Variants in NSUN4 observed in about 807,000 individuals in gnomAD.
NSUN4 encodes NOP2/Sun RNA methyltransferase 4, also known as 5-cytosine rRNA methyltransferase NSUN4.
In NSUN4, 31 loss-of-function variants were observed where a neutral mutation model predicts 43.8. The ratio of observed to expected loss-of-function variants is 0.71; its 90% confidence interval spans 0.53 to 0.96. The LOEUF (loss-of-function observed/expected upper bound fraction) is 0.96. Ranked by LOEUF, NSUN4 falls within the 40% of genes least tolerant of loss-of-function variation. The pLI is 0.00. For synonymous variants in NSUN4, 167 were observed against 184.1 expected, an observed-to-expected ratio of 0.91 and a Z score of 0.75; for missense variants, 439 against 475.6, an observed-to-expected ratio of 0.92 and a Z score of 0.72.
the NSUN4 span, among the ~76,000 whole-genome samples, chr1:46,384,083 G>C: frequency 6.6e-6 from 1 of 152,164 alleles, no homozygotes; most frequent in Non-Finnish European, 1.5e-5. Context: ...GATCGGAATG[G>C]GTCAGGGTGG....
intron 4 of NSUN4, among the ~76,000 whole-genome samples, chr1:46,358,055 C>T (rs529317723): frequency 3.3e-4 from 51 of 152,262 alleles, no homozygotes; most frequent in Non-Finnish European, 6.6e-4. Flanking sequence ...GCTGGGATTA[C>T]AGGCGCCCGC....
chr1:46,377,921 T>C, the NSUN4 span, among the ~76,000 whole-genome samples: 1 of 152,130 alleles, frequency 6.6e-6, no homozygotes, highest in Admixed American at 6.5e-5. Flanking sequence ...AAAGAAGGCA[T>C]GGGTGAAAAC....
In NSUN4 at chr1:46,361,737, T is replaced by C. The variant is rs1353513180; in HGVS notation, c.1046T>C (p.Met349Thr). 6.2e-7 allele frequency: 1 copy of C among 1,614,118 alleles called. No homozygotes were observed. The highest frequency in any genetic ancestry group is 1.7e-5 in the Admixed American group (1 of 60,008). ...CTGACTCACTTCCGAAGGGTTTTCA[T>C]GGACACATTTTGTTTCTTCTCATCC... ...EDLTHFRRVF[M>T]DTFCFFSSCQ... The change falls in exon 6 of 6, where the codon ATG becomes ACG. Residue 349 changes from methionine (M) to threonine (T), a missense_variant. Met to Thr is a moderately conservative substitution (Grantham distance 81). Coordinates refer to ENST00000474844, the MANE Select transcript of NSUN4 (RefSeq NM_199044.4).
chr1:46,379,440 C>A, the NSUN4 span, among the ~76,000 whole-genome samples: 19 of 152,262 alleles, frequency 1.2e-4, no homozygotes, highest in South Asian at 3.7e-3. Context: ...CATGGTGAAA[C>A]CCCGTCTCTA....
intron 3 of NSUN4, among the ~76,000 whole-genome samples, chr1:46,351,617 G>A (rs372447936): frequency 6.6e-6 from 1 of 151,304 alleles, no homozygotes; most frequent in African/African-American, 2.4e-5. Flanking sequence ...CTTGAGGCCA[G>A]GAATTCAAGA....
the NSUN4 span, among the ~76,000 whole-genome samples, chr1:46,375,792 A>G: frequency 6.7e-6 from 1 of 149,756 alleles, no homozygotes; most frequent in Non-Finnish European, 1.5e-5. Context: ...TCTGATTTAT[A>G]TTAAAAGAAT....
chr1:46,342,008 AC>A (rs1216834906), intron 1 of NSUN4: 15 of 1,197,212 alleles, frequency 1.3e-5, no homozygotes, highest in Admixed American at 4.2e-5. Context: ...TCACTCATGT[AC>A]CCTTGGAAAC....
At chr1:46,340,992 C>T (rs1662055659) in intron 1 of NSUN4, 73 bp downstream of exon 1, 2 of 1,376,116 alleles carry the variant, frequency 1.5e-6, no homozygotes, top group African/African-American at 1.4e-5. Flanking sequence ...TTTCCCGGCC[C>T]TCTAGAACGC....
intron 3 of NSUN4, among the ~76,000 whole-genome samples, chr1:46,350,736 C>T (rs1557739871): frequency 6.6e-6 from 1 of 152,016 alleles, no homozygotes; most frequent in African/African-American, 2.4e-5. Flanking sequence ...ATAGGCACTC[C>T]AGGTATGGAG....
chr1:46,351,094 G>A (rs1030905078), intron 3 of NSUN4, among the ~76,000 whole-genome samples: 1 of 152,224 alleles, frequency 6.6e-6, no homozygotes, highest in African/African-American at 2.4e-5. Context: ...AGCCGGGTGT[G>A]GTGGCTCACA....
intron 3 of NSUN4, among the ~76,000 whole-genome samples, chr1:46,348,715 A>C (rs1662718322): frequency 1.1e-5 from 1 of 91,490 alleles, no homozygotes; most frequent in Non-Finnish European, 2.9e-5. Flanking sequence ...GTCTCAAAAA[A>C]AAAAAAAAAA....
the NSUN4 span, among the ~76,000 whole-genome samples, chr1:46,375,939 T>C: frequency 1.9e-4 from 29 of 150,440 alleles, 1 homozygote; most frequent in African/African-American, 6.1e-4. Flanking sequence ...AAACCCTGTC[T>C]CTACTAAAAA....
chr1:46,350,069 A>G (rs1056100506), intron 3 of NSUN4, among the ~76,000 whole-genome samples: 1 of 152,212 alleles, frequency 6.6e-6, no homozygotes, highest in Non-Finnish European at 1.5e-5. Context: ...TCTAGCCCTC[A>G]TATTTTATGG....
At chr1:46,356,678 G>A (rs1238793961) in intron 4 of NSUN4, among the ~76,000 whole-genome samples, 3 of 148,560 alleles carry the variant, frequency 2.0e-5, no homozygotes, top group African/African-American at 7.4e-5. Flanking sequence ...GGGAGACAGC[G>A]AGATTCCGTC....
chr1:46,341,133 C>T lies in NSUN4; in HGVS notation c.93+214C>T, dbSNP rs926680533. On this transcript the variant is annotated intron_variant, in intron 1 of 5. Coordinates refer to ENST00000474844, the MANE Select transcript of NSUN4 (RefSeq NM_199044.4). ...TTCCACTTGTTACGTCTGCAGTCTC[C>T]TGACTCCGCCCAAGTTGCGTCATCA... The T allele has an allele frequency of 3.8e-6, 5 of 1,310,238 alleles. No individual in the cohort carries two copies. The Admixed American group carries it at 1.5e-4, about 38-fold the overall frequency. 81.2% of individuals were successfully genotyped at this position (1,310,238 alleles called of 1,614,324 possible). A position where few individuals can be genotyped will look rare whatever the true frequency, so the allele number is the denominator to read the frequency against.
chr1:46,347,299 GTGGTGGTGCA>G (rs1662583272), intron 3 of NSUN4, among the ~76,000 whole-genome samples: 1 of 152,162 alleles, frequency 6.6e-6, no homozygotes, highest in Admixed American at 6.6e-5. Context: ...TTAGCTGGGT[GTGGTGGTGCA>G]CTCCTGTAAT....
intron 2 of NSUN4, 26 bp downstream of exon 2, chr1:46,345,170 C>T (rs6684274): frequency 0.26 from 402,840 of 1,543,592 alleles, 56,921 homozygotes; most frequent in Non-Finnish European, 0.3. Flanking sequence ...ATGACTGGAG[C>T]GGTCCTGAGT....
downstream of NSUN4, among the ~76,000 whole-genome samples, chr1:46,366,731 T>C (rs113076306): frequency 0.25 from 29,874 of 120,708 alleles, 3,827 homozygotes; most frequent in Non-Finnish European, 0.32. Context: ...AAAAAAAAAG[T>C]GGGTAGAGAA....
chr1:46,355,552 T>C (rs992708047), intron 4 of NSUN4, among the ~76,000 whole-genome samples: 7 of 152,214 alleles, frequency 4.6e-5, no homozygotes, highest in African/African-American at 1.7e-4. Context: ...ATGTCTGGAA[T>C]ATAGAAAACA....
Sources: allele counts gnomAD v4.1 joint callset (sites outside exome capture counted in the v4.1 genomes callset), GRCh38; gene constraint gnomAD v4.1.1; transcripts MANE v1.5; gene names NCBI Gene and HGNC (gene_info 2026-07-23, HGNC 2026-07-21).